Variants in MAF observed in about 807,000 individuals in gnomAD.
MAF encodes MAF bZIP transcription factor.
MAF carries 10 observed loss-of-function variants against 22.0 expected under a neutral mutation model. That is an observed-to-expected ratio of 0.45 (90% CI 0.28 to 0.77). The LOEUF (loss-of-function observed/expected upper bound fraction) is 0.77, where lower values mean the gene tolerates loss of function less well. Among genes scored for constraint, MAF ranks in the 30% least tolerant of loss-of-function variants. The pLI is 0.12. For missense variants in MAF, 544 were observed against 548.4 expected (o/e 0.99, Z 0.08); for synonymous variants, 337 against 255.8 (o/e 1.32, Z -3.03).
At chr16:79,389,558 A>G in the MAF span, among the ~76,000 whole-genome samples, 145,515 of 152,268 alleles carry the variant, frequency 0.96, 69,584 homozygotes, top group Middle Eastern at 0.98. Context: ...CACCGCGTCC[A>G]GCTAAAGATT....
the MAF span, among the ~76,000 whole-genome samples, chr16:79,260,790 A>G: frequency 6.6e-5 from 10 of 152,190 alleles, no homozygotes; most frequent in Non-Finnish European, 8.8e-5. Flanking sequence ...CTGGCATCCA[A>G]TCTGTGACTT....
chr16:79,219,548 CAAAAAAAAAAAAAAA>C, the MAF span, among the ~76,000 whole-genome samples: 408 of 64,736 alleles, frequency 6.3e-3, 6 homozygotes, highest in Admixed American at 0.063. Context: ...GACTCTGCCT[CAAAAAAAAAAAAAAA>C]AAAAAAAAAA....
At chr16:79,477,261 C>T in the MAF span, among the ~76,000 whole-genome samples, 21 of 152,188 alleles carry the variant, frequency 1.4e-4, no homozygotes, top group East Asian at 7.7e-4. Context: ...GCTTTGTGGC[C>T]AAAAGATGCC....
chr16:79,361,696 G>C, the MAF span, among the ~76,000 whole-genome samples: 1 of 145,488 alleles, frequency 6.9e-6, no homozygotes. Flanking sequence ...TTTTCTTTTG[G>C]TTGTTTTATA....
At chr16:79,248,105 C>G in the MAF span, among the ~76,000 whole-genome samples, 1 of 151,740 alleles carries the variant, frequency 6.6e-6, no homozygotes, top group African/African-American at 2.4e-5. Context: ...ATTAATTTTG[C>G]TATTGATTCA....
the MAF span, among the ~76,000 whole-genome samples, chr16:79,379,157 C>T: frequency 1.3e-5 from 2 of 152,134 alleles, no homozygotes; most frequent in African/African-American, 4.8e-5. Context: ...CAAATCCTGG[C>T]ACAAGAATGT....
downstream of MAF, among the ~76,000 whole-genome samples, chr16:79,582,559 T>G (rs1464379380): frequency 6.6e-6 from 1 of 152,196 alleles, no homozygotes; most frequent in African/African-American, 2.4e-5. Context: ...GGCTCAGTAG[T>G]GGGCCAGTGC....
At chr16:79,327,572 C>T in the MAF span, among the ~76,000 whole-genome samples, 1 of 152,174 alleles carries the variant, frequency 6.6e-6, no homozygotes, top group Non-Finnish European at 1.5e-5. Context: ...ATAGGTGAGT[C>T]AGCTCCACCC....
the MAF span, among the ~76,000 whole-genome samples, chr16:79,318,789 G>C: frequency 6.6e-6 from 1 of 152,168 alleles, no homozygotes; most frequent in Non-Finnish European, 1.5e-5. Flanking sequence ...ACAGGGAAAA[G>C]AGCATCTCAG....
At chr16:79,211,038 T>A in the MAF span, among the ~76,000 whole-genome samples, 21 of 133,338 alleles carry the variant, frequency 1.6e-4, no homozygotes, top group East Asian at 6.1e-4. Context: ...GTGAGGAGTG[T>A]GTGTGTGTGT....
the MAF span, among the ~76,000 whole-genome samples, chr16:79,237,866 C>G: frequency 1.3e-5 from 2 of 152,108 alleles, no homozygotes; most frequent in Non-Finnish European, 2.9e-5. Flanking sequence ...ACAGTCACCC[C>G]CTGTGAGGGA....
At chr16:79,335,506 C>G in the MAF span, among the ~76,000 whole-genome samples, 1 of 152,152 alleles carries the variant, frequency 6.6e-6, no homozygotes, top group East Asian at 1.9e-4. Context: ...CCAGTGTGTC[C>G]TACAGAAATG....
chr16:79,207,491 A>C, the MAF span, among the ~76,000 whole-genome samples: 1 of 152,196 alleles, frequency 6.6e-6, no homozygotes, highest in Admixed American at 6.5e-5. Context: ...TCATAACTCT[A>C]CTTTTTGCAT....
intron 1 of MAF, 165 bp from the exon 2 acceptor site, chr16:79,594,718 A>AG: frequency 7.0e-7 from 1 of 1,433,082 alleles, no homozygotes; most frequent in Non-Finnish European, 9.1e-7. Context: ...GTAAGAAAAA[A>AG]AAAACATGTA....
At chr16:79,552,638 C>A in the MAF span, among the ~76,000 whole-genome samples, 1 of 152,294 alleles carries the variant, frequency 6.6e-6, no homozygotes, top group African/African-American at 2.4e-5. Context: ...CCCCCTTGGG[C>A]CCCTCGGTGT....
At chr16:79,447,331 CA>C in the MAF span, among the ~76,000 whole-genome samples, 14,456 of 98,480 alleles carry the variant, frequency 0.15, 888 homozygotes, top group African/African-American at 0.24. Flanking sequence ...ACCTACTGCT[CA>C]AAAAAAAAAA....
At chr16:79,580,885 T>C (rs907741875), downstream of MAF, among the ~76,000 whole-genome samples, 1 of 151,770 alleles carries the variant, frequency 6.6e-6, no homozygotes, top group Admixed American at 6.6e-5. Flanking sequence ...ATAAACAAAA[T>C]AGCCTTTGAG....
chr16:79,529,591 T>C, the MAF span, among the ~76,000 whole-genome samples: 1 of 152,162 alleles, frequency 6.6e-6, no homozygotes, highest in African/African-American at 2.4e-5. Context: ...AATTTATGGA[T>C]ACGTGTCAGC....
At chr16:79,227,030 G>C in the MAF span, among the ~76,000 whole-genome samples, 1 of 152,030 alleles carries the variant, frequency 6.6e-6, no homozygotes, top group Admixed American at 6.6e-5. Context: ...ATAAAAGCAG[G>C]TGGATTATTT....
Sources: allele counts gnomAD v4.1 joint callset (sites outside exome capture counted in the v4.1 genomes callset), GRCh38; gene constraint gnomAD v4.1.1; transcripts MANE v1.5; gene names NCBI Gene and HGNC (gene_info 2026-07-23, HGNC 2026-07-21).